The following INSYN2B variants were observed in gnomAD, a reference collection of about 807,000 sequenced individuals.
The protein encoded by INSYN2B is inhibitory synaptic factor family member 2B.
INSYN2B carries 16 observed loss-of-function variants against 41.2 expected under a neutral mutation model. The ratio of observed to expected loss-of-function variants is 0.39; its 90% confidence interval spans 0.26 to 0.59. INSYN2B has a LOEUF of 0.59. Ranked by LOEUF, INSYN2B falls within the 20% of genes least tolerant of loss-of-function variation. The pLI is 0.57. For synonymous variants in INSYN2B, 245 were observed against 244.4 expected, an observed-to-expected ratio of 1.00 and a Z score of -0.02; for missense variants, 608 against 646.4, an observed-to-expected ratio of 0.94 and a Z score of 0.64.
chr5:169,877,772 A>ACC (rs1423139359), intron 3 of INSYN2B, among the ~76,000 whole-genome samples: 1 of 152,142 alleles, frequency 6.6e-6, no homozygotes, highest in Non-Finnish European at 1.5e-5. Flanking sequence ...TAAGGATAAG[A>ACC]CGAGGAGCAG....
chr5:169,935,455 T>C (rs1263258112), intron 1 of INSYN2B, among the ~76,000 whole-genome samples: 2 of 152,190 alleles, frequency 1.3e-5, no homozygotes, highest in Admixed American at 1.3e-4. Flanking sequence ...AACTGTCAAC[T>C]TAATGGTGGA....
At chr5:169,875,255 C>G in intron 3 of INSYN2B, 1 of 456,728 alleles carries the variant, frequency 2.2e-6, no homozygotes, top group Non-Finnish European at 4.4e-6. Flanking sequence ...GATTCCCATC[C>G]TCCACCCCAC....
At chr5:169,876,750 CTTCAT>C (rs1020402232) in intron 3 of INSYN2B, among the ~76,000 whole-genome samples, 2 of 152,164 alleles carry the variant, frequency 1.3e-5, no homozygotes, top group Non-Finnish European at 2.9e-5. Flanking sequence ...TTGCTTAATC[CTTCAT>C]TTCCTCACCC....
intron 1 of INSYN2B, among the ~76,000 whole-genome samples, chr5:169,927,623 T>G (rs1236467452): frequency 6.6e-6 from 1 of 151,990 alleles, no homozygotes; most frequent in East Asian, 1.9e-4. Context: ...ATAGGAAAAA[T>G]TCTTGTTTTT....
chr5:169,904,790 G>C (rs1774176434), intron 1 of INSYN2B, among the ~76,000 whole-genome samples: 1 of 152,158 alleles, frequency 6.6e-6, no homozygotes, highest in African/African-American at 2.4e-5. Flanking sequence ...TAATTTGTGG[G>C]TTTGCTAATC....
intron 1 of INSYN2B, among the ~76,000 whole-genome samples, chr5:169,899,174 A>G (rs1773781967): frequency 6.6e-6 from 1 of 152,224 alleles, no homozygotes; most frequent in Non-Finnish European, 1.5e-5. Context: ...ATGTTAGCAA[A>G]GAGGAGAATG....
At chr5:169,875,736 C>T (rs1203793666) in intron 3 of INSYN2B, 1 of 157,120 alleles carries the variant, frequency 6.4e-6, no homozygotes, top group East Asian at 1.8e-4. Flanking sequence ...TTCAAGTGAT[C>T]AGTAAATAAT....
chr5:169,894,526 C>A (rs1773481655), intron 1 of INSYN2B, among the ~76,000 whole-genome samples: 1 of 152,162 alleles, frequency 6.6e-6, no homozygotes, highest in African/African-American at 2.4e-5. Context: ...CTTCTGGATC[C>A]CTGCCTACAC....
chr5:169,914,878 A>C (rs1250600005), intron 1 of INSYN2B, among the ~76,000 whole-genome samples: 1 of 152,258 alleles, frequency 6.6e-6, no homozygotes, highest in Non-Finnish European at 1.5e-5. Flanking sequence ...GTCCCTTCAC[A>C]GACTGACATA....
chr5:169,908,478 A>G (rs1042783510), intron 1 of INSYN2B, among the ~76,000 whole-genome samples: 7 of 152,118 alleles, frequency 4.6e-5, no homozygotes, highest in African/African-American at 1.7e-4. Context: ...AAGTTATGAG[A>G]TGGGCAAGGA....
Position 169,882,994 on chromosome 5 carries a change from A to T in INSYN2B, c.905T>A (p.Val302Asp), listed in dbSNP as rs1175807365. ...SLSSQSKETC[V>D]PSSPRTHSSP... ...ACTGTGAGTCCGTGGAGATGAAGGA[A>T]CACACGTTTCCTTTGACTGAGATGA... is the stretch of plus-strand genomic sequence containing the variant. Residue 302 changes from valine (V) to aspartate (D), a missense_variant, in exon 2 of 4, where the codon GTT becomes GAT. Transcript: ENST00000377365. 7 of 1,551,518 alleles carry T rather than the reference A, an allele frequency of 4.5e-6. No individual in the cohort carries two copies. The highest frequency in any genetic ancestry group is 6.1e-6 in the Non-Finnish European group (7 of 1,146,938).
intron 1 of INSYN2B, among the ~76,000 whole-genome samples, chr5:169,925,893 C>T (rs1188773834): frequency 6.6e-6 from 1 of 152,110 alleles, no homozygotes; most frequent in Non-Finnish European, 1.5e-5. Context: ...GGCAGCTGGG[C>T]CTGTTTTAGG....
intron 1 of INSYN2B, among the ~76,000 whole-genome samples, chr5:169,932,379 G>A (rs1166143572): frequency 6.6e-6 from 1 of 152,144 alleles, no homozygotes; most frequent in Non-Finnish European, 1.5e-5. Flanking sequence ...GAAGAAAAGG[G>A]GAAAAGGCAG....
chr5:169,890,358 G>A (rs1445529395), intron 1 of INSYN2B, among the ~76,000 whole-genome samples: 9 of 152,124 alleles, frequency 5.9e-5, no homozygotes, highest in Non-Finnish European at 1.5e-5. Flanking sequence ...GGGCCTTGTG[G>A]TTCAAAGTTT....
intron 1 of INSYN2B, among the ~76,000 whole-genome samples, chr5:169,888,527 C>G (rs765869296): frequency 1.5e-4 from 23 of 152,210 alleles, no homozygotes; most frequent in African/African-American, 5.1e-4. Flanking sequence ...TCAGTAGATA[C>G]AGAAACATTG....
chr5:169,871,180 C>A (rs1456689295), intron 3 of INSYN2B, among the ~76,000 whole-genome samples: 1 of 152,158 alleles, frequency 6.6e-6, no homozygotes, highest in East Asian at 1.9e-4. Flanking sequence ...AGGAATTAAT[C>A]TGAATTTGAA....
intron 1 of INSYN2B, among the ~76,000 whole-genome samples, chr5:169,929,741 CAA>C (rs1211612989): frequency 2.8e-3 from 177 of 62,914 alleles, no homozygotes; most frequent in African/African-American, 8.8e-3. Context: ...GACCCTGTCT[CAA>C]AAAAAAAAAA....
At chr5:169,908,459 A>G (rs1774410354) in intron 1 of INSYN2B, among the ~76,000 whole-genome samples, 1 of 152,198 alleles carries the variant, frequency 6.6e-6, no homozygotes, top group Non-Finnish European at 1.5e-5. Context: ...TCTTCTGAAT[A>G]TGGCCCCCAA....
intron 1 of INSYN2B, among the ~76,000 whole-genome samples, chr5:169,951,490 C>T (rs1776662418): frequency 6.6e-6 from 1 of 152,200 alleles, no homozygotes; most frequent in Admixed American, 6.5e-5. Context: ...TCACTCAGAG[C>T]CTGCTGTGTG....
Sources: allele counts gnomAD v4.1 joint callset (sites outside exome capture counted in the v4.1 genomes callset), GRCh38; gene constraint gnomAD v4.1.1; transcripts MANE v1.5; gene names NCBI Gene and HGNC (gene_info 2026-07-23, HGNC 2026-07-21).